The following EXTL3 variants were observed in gnomAD, a reference collection of about 807,000 sequenced individuals.
EXTL3 encodes the protein exostosin like glycosyltransferase 3.
In EXTL3, 27 loss-of-function variants were observed where a neutral mutation model predicts 69.3. That is an observed-to-expected ratio of 0.39 (90% CI 0.29 to 0.54). The LOEUF (loss-of-function observed/expected upper bound fraction) is 0.54. Among genes scored for constraint, EXTL3 ranks in the 20% least tolerant of loss-of-function variants. EXTL3 has a pLI of 0.69. For missense variants in EXTL3, 1,003 were observed against 1,231.8 expected (o/e 0.81, Z 2.78); for synonymous variants, 511 against 499.4 (o/e 1.02, Z -0.31).
rs1271642986 is a variant in EXTL3 at position 28,701,611 on chromosome 8, T to G, written c.-618T>G. The G allele has an allele frequency of 1.3e-5, 2 of 159,624 alleles. No individual in the cohort carries two copies. Among genetic ancestry groups the G allele is most frequent in the Admixed American group, 1.3e-4 (2 of 15,224 alleles). The allele number at this position is 159,624 out of a possible 1,614,324, so 9.9% of individuals were successfully genotyped here. On this transcript the variant is annotated 5_prime_UTR_variant, in exon 1 of 7. Coordinates refer to ENST00000220562, the MANE Select transcript of EXTL3 (RefSeq NM_001440.4). ...AGAACGGCTTCTGGGACGCCGACTT[T>G]CGCGCAGGCGGCGGCGGCGGCGGCG...
At position 28,718,180 on chromosome 8, in the gene EXTL3, G is replaced by C. The variant is rs1337129858; in HGVS notation, c.2121G>C (p.Leu707=). 6.2e-7 allele frequency: 1 copy of C among 1,614,062 alleles called. No homozygotes were observed. Among genetic ancestry groups the C allele is most frequent in the Admixed American group, 1.7e-5 (1 of 60,014 alleles). Residue 707 remains leucine, a synonymous_variant, in exon 3 of 7, where the codon CTG becomes CTC. Coordinates refer to ENST00000220562, the MANE Select transcript of EXTL3 (RefSeq NM_001440.4). ...CCAAGCTGCCATCAGAGGACCTTCT[G>C]TGGCCTGACATTGGCGTCCCCATCA... ...NSPKLPSEDL[L]WPDIGVPIMV... is the part of the protein sequence containing the mutation.
At chr8:28,720,334 A>C (rs1801269608) in intron 3 of EXTL3, among the ~76,000 whole-genome samples, 1 of 152,188 alleles carries the variant, frequency 6.6e-6, no homozygotes, top group African/African-American at 2.4e-5. Context: ...GGTTGTTCCC[A>C]GGCATCAGTG....
At chr8:28,626,442 A>G (rs1806492776) in intron 1 of EXTL3, among the ~76,000 whole-genome samples, 1 of 152,168 alleles carries the variant, frequency 6.6e-6, no homozygotes, top group South Asian at 2.1e-4. Context: ...TGCAGCAGTG[A>G]TTAGGAAAGA....
At chr8:28,646,477 T>C (rs935184756) in intron 1 of EXTL3, among the ~76,000 whole-genome samples, 1 of 152,106 alleles carries the variant, frequency 6.6e-6, no homozygotes, top group Non-Finnish European at 1.5e-5. Context: ...GTCCAGCAAC[T>C]CTCTGTGAAA....
chr8:28,731,560 GC>G (rs1801538770), intron 4 of EXTL3, among the ~76,000 whole-genome samples: 1 of 152,166 alleles, frequency 6.6e-6, no homozygotes, highest in African/African-American at 2.4e-5. Flanking sequence ...GTTCCCACAG[GC>G]CTTTCCTCTG....
At chr8:28,647,450 A>G (rs960703731) in intron 1 of EXTL3, among the ~76,000 whole-genome samples, 4 of 152,192 alleles carry the variant, frequency 2.6e-5, no homozygotes, top group Admixed American at 1.3e-4. Flanking sequence ...TCACTCATAC[A>G]TAATCTCATT....
chr8:28,611,201 G>A (rs544681011), intron 2 of EXTL3, among the ~76,000 whole-genome samples: 3 of 152,146 alleles, frequency 2.0e-5, no homozygotes, highest in South Asian at 2.1e-4. Flanking sequence ...GTATAATCCC[G>A]GCACTCTAGG....
intron 3 of EXTL3, among the ~76,000 whole-genome samples, chr8:28,724,615 A>AT (rs1563218421): frequency 2.2e-5 from 3 of 138,438 alleles, no homozygotes; most frequent in Non-Finnish European, 4.6e-5. Flanking sequence ...TAAAAAAAAA[A>AT]AAAGAAGAAG....
At chr8:28,755,812 A>C (rs920298609), downstream of EXTL3, among the ~76,000 whole-genome samples, 2 of 152,334 alleles carry the variant, frequency 1.3e-5, no homozygotes, top group Admixed American at 1.3e-4. Flanking sequence ...CATTGAAACT[A>C]CTTACATTCT....
At chr8:28,647,979 C>T (rs1055770308) in intron 1 of EXTL3, among the ~76,000 whole-genome samples, 21 of 150,378 alleles carry the variant, frequency 1.4e-4, no homozygotes, top group Non-Finnish European at 2.4e-4. Flanking sequence ...GGGTGGGAGA[C>T]GATCAGTGGA....
intron 1 of EXTL3, among the ~76,000 whole-genome samples, chr8:28,632,404 A>G (rs569130337): frequency 1.6e-4 from 24 of 152,250 alleles, no homozygotes; most frequent in African/African-American, 5.5e-4. Flanking sequence ...TCAAAAAACA[A>G]AAGAGTTATC....
intron 1 of EXTL3, among the ~76,000 whole-genome samples, chr8:28,707,849 A>G (rs1181323124): frequency 6.6e-6 from 1 of 152,258 alleles, no homozygotes; most frequent in East Asian, 1.9e-4. Flanking sequence ...ACTGGTGGGA[A>G]GGGAAGCAGA....
chr8:28,695,467 T>C (rs1800671912), intron 1 of EXTL3, among the ~76,000 whole-genome samples: 1 of 152,252 alleles, frequency 6.6e-6, no homozygotes, highest in African/African-American at 2.4e-5. Context: ...ACCTGGGACA[T>C]GTGGGTACCA....
chr8:28,635,962 C>T (rs761307851), intron 1 of EXTL3, among the ~76,000 whole-genome samples: 2 of 152,212 alleles, frequency 1.3e-5, no homozygotes, highest in Non-Finnish European at 2.9e-5. Flanking sequence ...TCAAGCAATT[C>T]GCCTGCCTTA....
At chr8:28,707,961 T>C (rs959385026) in intron 1 of EXTL3, among the ~76,000 whole-genome samples, 1 of 152,244 alleles carries the variant, frequency 6.6e-6, no homozygotes, top group African/African-American at 2.4e-5. Context: ...GAGTAATCAA[T>C]AGCCTCATTT....
chr8:28,620,969 C>T (rs1268131840), upstream of EXTL3, among the ~76,000 whole-genome samples: 1 of 152,208 alleles, frequency 6.6e-6, no homozygotes, highest in Non-Finnish European at 1.5e-5. Context: ...CCCCTCTCAG[C>T]CTCCCAAAGT....
intron 1 of EXTL3, among the ~76,000 whole-genome samples, chr8:28,694,447 T>G (rs1800657097): frequency 1.3e-5 from 2 of 152,240 alleles, no homozygotes; most frequent in African/African-American, 4.8e-5. Context: ...AATCTACTAA[T>G]GCAGCAGACA....
chr8:28,737,449 T>C, intron 4 of EXTL3, 70 bp from the exon 5 acceptor site: 1 of 1,557,632 alleles, frequency 6.4e-7, no homozygotes, highest in South Asian at 1.1e-5. Flanking sequence ...GTGGAGGCAA[T>C]AACTGTGAAC....
chr8:28,668,324 CTTTTTTT>C (rs71549687), intron 1 of EXTL3, among the ~76,000 whole-genome samples: 6 of 82,552 alleles, frequency 7.3e-5, no homozygotes, highest in African/African-American at 2.7e-4. Context: ...AGAGTTGTTA[CTTTTTTT>C]TTTTTTTTTT....
Sources: gnomAD v4.1 joint callset for allele counts (sites outside exome capture counted in the v4.1 genomes callset) on GRCh38, gnomAD v4.1.1 for gene constraint, MANE v1.5 for transcripts, NCBI Gene and HGNC (gene_info 2026-07-23, HGNC 2026-07-21) for gene names.